GLUL: variants seen among roughly 807,000 people sequenced by gnomAD.
GLUL encodes glutamine synthetase.
A neutral mutation model predicts 36.9 loss-of-function variants in GLUL; 8 were observed. The observed-to-expected ratio is 0.22, with a 90% CI of 0.13 to 0.39. The LOEUF (loss-of-function observed/expected upper bound fraction) is 0.39. Ranked by LOEUF, GLUL falls within the 10% of genes least tolerant of loss-of-function variation. GLUL has a pLI of 1.00. For missense variants in GLUL, 315 were observed against 501.8 expected (o/e 0.63, Z 3.56); for synonymous variants, 182 against 172.8 (o/e 1.05, Z -0.42).
At chr1:182,388,836 A>G (rs1331695027) in intron 1 of GLUL, 86 bp from the exon 2 acceptor site, 6 of 1,031,378 alleles carry the variant, frequency 5.8e-6, no homozygotes, top group Admixed American at 1.7e-5. Context: ...CGACTGAATC[A>G]AAAGTCAGAG....
rs1015966219 is a variant in GLUL, at chr1:182,381,791, A to C, written c.*2614T>G. The stretch of plus-strand genomic sequence containing the variant: ...AGGGTGGCCAAGCAAAGGGAAGACA[A>C]CTTCAGTTGGGGGGGTGGAAGCACA... On this transcript the variant is annotated 3_prime_UTR_variant, in exon 7 of 7. Transcript: ENST00000331872. 1.3e-5 allele frequency: 2 copies of C among 152,214 alleles called. No homozygotes were observed. Among genetic ancestry groups the C allele is most frequent in the African/African-American group, 4.8e-5 (2 of 41,442 alleles). 9.4% of individuals were successfully genotyped at this position (152,214 alleles called of 1,614,324 possible).
At chr1:182,384,890 CAA>C in intron 6 of GLUL, 167 bp from the exon 7 acceptor site, 1 of 659,560 alleles carries the variant, frequency 1.5e-6, no homozygotes. Context: ...ACAAGCAGTA[CAA>C]AGTTACTGTT....
At chr1:182,391,029 G>A (rs1650393330) in intron 1 of GLUL, 1 of 397,330 alleles carries the variant, frequency 2.5e-6, no homozygotes, top group Non-Finnish European at 4.4e-6. Context: ...TGGGGGCGCA[G>A]GCCGTAGGGA....
At position 182,385,795 on chromosome 1, in the gene GLUL, TC is replaced by T; in HGVS notation, c.567del (p.Ile190LeufsTer45). ...ATGACCTCGGCATTAGTCCCCGCAA[TC>T]TTGACTCCAGCATACAAGCAGGCCC... ...HYRACLYAGV[K>X]IAGTNAEVMP... On this transcript the variant is annotated frameshift_variant, in exon 5 of 7. Transcript: ENST00000331872. LOFTEE classifies it high-confidence loss of function. The T allele has an allele frequency of 6.2e-7, 1 of 1,614,142 alleles. No individual in the cohort carries two copies. Among genetic ancestry groups the T allele is most frequent in the Non-Finnish European group, 8.5e-7 (1 of 1,180,018 alleles).
chr1:182,388,620 G>A lies in GLUL; in HGVS notation c.118C>T (p.Leu40=). The A allele has an allele frequency of 6.2e-7, 1 of 1,613,912 alleles. No individual in the cohort carries two copies. Among genetic ancestry groups the A allele is most frequent in the South Asian group, 1.1e-5 (1 of 91,074 alleles). Reference sequence around the variant, plus strand: ...TCCAGGGTCCGGGTCTTGCAGCGCAGTCCTTCTCCAGTACCATCGATCCAG... The same window carrying A: ...TCCAGGGTCCGGGTCTTGCAGCGCAATCCTTCTCCAGTACCATCGATCCAG... ...YIWIDGTGEG[L]RCKTRTLDSE... The change falls in exon 2 of 7, where the codon CTG becomes TTG. Residue 40 remains leucine (L), a synonymous_variant. Coordinates refer to ENST00000331872, the MANE Select transcript of GLUL (RefSeq NM_001033044.4).
intron 1 of GLUL, chr1:182,391,096 C>T (rs1650398824): frequency 2.5e-6 from 1 of 398,468 alleles, no homozygotes; most frequent in African/African-American, 2.1e-5. Flanking sequence ...GCGCCGAGGC[C>T]CGGGCTCTCC....
At chr1:182,391,235 G>A (rs956133553) in intron 1 of GLUL, 1 of 398,836 alleles carries the variant, frequency 2.5e-6, no homozygotes, top group Non-Finnish European at 4.4e-6. Context: ...TTGCTCCGAA[G>A]GCCCCACCAC....
chr1:182,388,756 GAAGAAAAA>G lies in GLUL; in HGVS notation c.-13-14_-13-7del. The G allele has an allele frequency of 6.2e-7, 1 of 1,611,310 alleles. No individual in the cohort carries two copies. ...TGGTCATGGTGGAAGGTGTTCTGGA[GAAGAAAAA>G]AAGAATAACATTGTTAACGCCCACT... On this transcript the variant is annotated splice_polypyrimidine_tract_variant and splice_region_variant and intron_variant, in intron 1 of 6. Transcript: ENST00000331872.
chr1:182,389,604 T>G (rs1293659043), intron 1 of GLUL: 1 of 152,138 alleles, frequency 6.6e-6, no homozygotes, highest in Non-Finnish European at 1.5e-5. Flanking sequence ...ATCTGGAAAT[T>G]TAAAAGCCAT....
chr1:182,386,247 G>A lies in GLUL; in HGVS notation c.475+9C>T, dbSNP rs772232883. On this transcript the variant is annotated intron_variant, in intron 4 of 6. Coordinates refer to ENST00000331872, the MANE Select transcript of GLUL (RefSeq NM_001033044.4). ...CTGGGAATTTCACCTCTAACCCAAG[G>A]AGACTTACCCTGGGGCCCTGGGAAG... 9 of 1,612,076 alleles carry A rather than the reference G, an allele frequency of 5.6e-6. No homozygotes were observed. The Admixed American group carries it at 8.3e-5, about 15-fold the overall frequency.
chr1:182,386,609 G>A lies in GLUL; in HGVS notation c.329-207C>T, dbSNP rs1053863892. On this transcript the variant is annotated intron_variant, in intron 3 of 6. Coordinates refer to ENST00000331872, the MANE Select transcript of GLUL (RefSeq NM_001033044.4). ...GTACATCTGTAGGAAGACTCTGAAA[G>A]ACTTCAGTTTTAACTAAACTCAGTT... 3 of 618,054 alleles carry A rather than the reference G, an allele frequency of 4.9e-6. No homozygotes were observed. In the African/African-American group the frequency reaches 5.5e-5, roughly 11 times the overall value. 38.3% of individuals were successfully genotyped at this position (618,054 alleles called of 1,614,324 possible).
chr1:182,387,464 T>C (rs1650233001), intron 2 of GLUL, among the ~76,000 whole-genome samples, 172 bp from the exon 3 acceptor site: 1 of 152,190 alleles, frequency 6.6e-6, no homozygotes, highest in South Asian at 2.1e-4. Context: ...GTACCTGATC[T>C]TATAGCCCTT....
intron 2 of GLUL, 86 bp downstream of exon 2, chr1:182,388,486 C>T: frequency 8.4e-7 from 1 of 1,189,168 alleles, no homozygotes; most frequent in Non-Finnish European, 1.3e-6. Context: ...AGAAAGAGGC[C>T]TAATCCAGAG....
chr1:182,385,587 A>C (rs1442625685), intron 5 of GLUL, 31 bp from the exon 6 acceptor site: 1 of 1,593,648 alleles, frequency 6.3e-7, no homozygotes, highest in East Asian at 2.2e-5. Context: ...CATTAAAACA[A>C]AGCTAACTGC....
At position 182,391,598 on chromosome 1, in the gene GLUL, AAG is replaced by A. The variant is rs1452746073; in HGVS notation, c.-14+79_-14+80del. On this transcript the variant is annotated intron_variant, in intron 1 of 6. Coordinates refer to ENST00000331872, the MANE Select transcript of GLUL (RefSeq NM_001033044.4). ...GACTGGAGGGGCAGGCAGCCGAAAA[AAG>A]AGGCTGGGCGGCGCGCCTCGCGGGG... The A allele has an allele frequency of 2.9e-5, 5 of 173,458 alleles. No homozygotes were observed. In the South Asian group the frequency reaches 1.0e-3, roughly 35 times the overall value. The allele number at this position is 173,458 out of a possible 1,614,324, so 10.7% of individuals were successfully genotyped here.
intron 1 of GLUL, chr1:182,389,869 C>T (rs1452775163): frequency 6.6e-6 from 1 of 152,344 alleles, no homozygotes; most frequent in African/African-American, 2.4e-5. Flanking sequence ...GCCTCACCAC[C>T]CTTCCCCTTG....
chr1:182,378,442 C>T lies in GLUL; in HGVS notation c.*5963G>A, dbSNP rs765919123. Among the ~76,000 whole-genome samples the T allele has an allele frequency of 6.6e-5, 10 of 152,104 alleles. No homozygotes were observed. Among genetic ancestry groups the T allele is most frequent in the Admixed American group, 1.3e-4 (2 of 15,270 alleles). ...CAAATATTTATTAATTGACAGTGTC[C>T]GACAACCTCCTGTCCATAAAGCATG... On this transcript the variant is annotated 3_prime_UTR_variant, in exon 7 of 7. Transcript: ENST00000331872.
chr1:182,384,493 T>G lies in GLUL; in HGVS notation c.1034A>C (p.Asn345Thr). The change falls in exon 7 of 7, where the codon AAC becomes ACC. Residue 345 changes from asparagine (N) to threonine (T), a missense_variant. Coordinates refer to ENST00000331872, the MANE Select transcript of GLUL (RefSeq NM_001033044.4). ...TTCTGTCACCGAAAAGGGGTCGCAG[T>G]TGGCAGAGGGGCGACGATCTTCAAA... ...GYFEDRRPSA[N>T]CDPFSVTEAL... 1.2e-6 allele frequency: 2 copies of G among 1,613,866 alleles called. No individual in the cohort carries two copies.
chr1:182,380,288 CA>C lies in GLUL; in HGVS notation c.*4116del, dbSNP rs1216042670. Among the ~76,000 whole-genome samples, 3 of 152,240 alleles carry C rather than the reference CA, an allele frequency of 2.0e-5. No homozygotes were observed. The highest frequency in any genetic ancestry group is 1.3e-4 in the Admixed American group (2 of 15,280). On this transcript the variant is annotated 3_prime_UTR_variant, in exon 7 of 7. Coordinates refer to ENST00000331872, the MANE Select transcript of GLUL (RefSeq NM_001033044.4). Reference sequence around the variant, plus strand: ...TTGTAGTAAAAAGAATCAACATTTTCAATTTGTTTTTTGGGGTTTTGTTTGT... The same window carrying C: ...TTGTAGTAAAAAGAATCAACATTTTCATTTGTTTTTTGGGGTTTTGTTTGT...
Sources: gnomAD v4.1 joint callset for allele counts (sites outside exome capture counted in the v4.1 genomes callset) on GRCh38, gnomAD v4.1.1 for gene constraint, MANE v1.5 for transcripts, NCBI Gene and HGNC (gene_info 2026-07-23, HGNC 2026-07-21) for gene names.